ANKS1B: variants seen among roughly 807,000 people sequenced by gnomAD.
ANKS1B encodes the protein ankyrin repeat and sterile alpha motif domain-containing protein 1B.
ANKS1B carries 36 observed loss-of-function variants against 148.3 expected under a neutral mutation model. The observed-to-expected ratio is 0.24, with a 90% CI of 0.19 to 0.32. The LOEUF is 0.32. ANKS1B is among the 10% of genes least tolerant of loss of function. The pLI is 1.00. For synonymous variants in ANKS1B, 542 were observed against 560.8 expected (o/e 0.97, Z 0.47); for missense variants, 1,157 against 1,542.6 (o/e 0.75, Z 4.19).
intron 10 of ANKS1B, among the ~76,000 whole-genome samples, chr12:99,495,470 T>C (rs1678278507): frequency 6.6e-6 from 1 of 152,092 alleles, no homozygotes; most frequent in African/African-American, 2.4e-5. Flanking sequence ...AAACTGTCCA[T>C]ATGGATGAAG....
At chr12:98,782,564 T>C (rs2098748060) in intron 22 of ANKS1B, among the ~76,000 whole-genome samples, 1 of 152,194 alleles carries the variant, frequency 6.6e-6, no homozygotes, top group Admixed American at 6.5e-5. Flanking sequence ...TTTAATTGGA[T>C]AGTGTGAGTG....
At chr12:99,442,769 T>C (rs769629440) in intron 11 of ANKS1B, among the ~76,000 whole-genome samples, 1 of 152,002 alleles carries the variant, frequency 6.6e-6, no homozygotes, top group Non-Finnish European at 1.5e-5. Context: ...CAAATCTTGC[T>C]TATTTAGACC....
intron 12 of ANKS1B, among the ~76,000 whole-genome samples, chr12:99,334,723 C>T (rs1334288584): frequency 6.6e-6 from 1 of 152,010 alleles, no homozygotes; most frequent in Non-Finnish European, 1.5e-5. Flanking sequence ...ATTCTCCTCC[C>T]TTTACAAGAG....
At chr12:99,142,931 T>C (rs115518629) in intron 15 of ANKS1B, among the ~76,000 whole-genome samples, 146 of 152,266 alleles carry the variant, frequency 9.6e-4, no homozygotes, top group African/African-American at 3.2e-3. Context: ...ATGGGCCATA[T>C]TGTTATACAG....
chr12:99,650,941 T>C (rs2098415502), intron 9 of ANKS1B, among the ~76,000 whole-genome samples: 1 of 152,124 alleles, frequency 6.6e-6, no homozygotes, highest in African/African-American at 2.4e-5. Context: ...CCCAATTATG[T>C]CTGTATTGTT....
intron 1 of ANKS1B, among the ~76,000 whole-genome samples, chr12:99,961,589 A>G (rs534337028): frequency 6.6e-6 from 1 of 152,170 alleles, no homozygotes; most frequent in Non-Finnish European, 1.5e-5. Context: ...AGACTTCTAT[A>G]GTCATAAATT....
intron 7 of ANKS1B, among the ~76,000 whole-genome samples, chr12:99,774,225 A>G (rs1334315220): frequency 1.3e-5 from 2 of 152,104 alleles, no homozygotes; most frequent in South Asian, 2.1e-4. Context: ...ATATTTGCAA[A>G]CCATAGATCT....
At chr12:99,702,353 T>C (rs2054972946) in intron 8 of ANKS1B, among the ~76,000 whole-genome samples, 1 of 152,190 alleles carries the variant, frequency 6.6e-6, no homozygotes, top group Non-Finnish European at 1.5e-5. Flanking sequence ...GAGAAATGTC[T>C]ATTCAGATCT....
At position 98,859,537 on chromosome 12, in the gene ANKS1B, C is replaced by A. The variant is rs573782265; in HGVS notation, c.2779-27401G>T. On this transcript the variant is annotated intron_variant, in intron 17 of 26. Transcript: ENST00000683438. Reference sequence around the variant, plus strand: ...TGATTAATAATGATCAGAAGTAAATCTATGAATAACAACAAACAGAAAGGA... The same window carrying A: ...TGATTAATAATGATCAGAAGTAAATATATGAATAACAACAAACAGAAAGGA... 5.4e-4 allele frequency among the ~76,000 whole-genome samples: 82 copies of A among 152,198 alleles called. 1 individual carries two copies. Among genetic ancestry groups the A allele is most frequent in the Admixed American group, 3.9e-4 (6 of 15,286 alleles).
chr12:98,978,690 C>A (rs554248575), intron 17 of ANKS1B, among the ~76,000 whole-genome samples: 1 of 151,912 alleles, frequency 6.6e-6, no homozygotes, highest in Non-Finnish European at 1.5e-5. Context: ...TAATGTATAA[C>A]GTGATCCTTA....
intron 15 of ANKS1B, among the ~76,000 whole-genome samples, chr12:99,102,938 C>T (rs891090647): frequency 1.2e-4 from 18 of 151,664 alleles, no homozygotes; most frequent in Admixed American, 7.2e-4. Context: ...GAAAACATAA[C>T]GCTCAGAGCA....
At chr12:99,724,111 G>A (rs1396498593) in intron 8 of ANKS1B, among the ~76,000 whole-genome samples, 1 of 152,022 alleles carries the variant, frequency 6.6e-6, no homozygotes, top group Non-Finnish European at 1.5e-5. Context: ...CCAAATGATT[G>A]CAATGCCGCT....
rs148782639 is a variant in ANKS1B, at chr12:99,036,217, T to C, written c.2778+16940A>G. 8.4e-3 allele frequency among the ~76,000 whole-genome samples: 1,282 copies of C among 152,282 alleles called. 15 individuals carry two copies. Among genetic ancestry groups the C allele is most frequent in the African/African-American group, 0.029 (1,211 of 41,542 alleles). ...GACTGAAAAAGTTAGATTCCTGAAG[T>C]GACTTCATTTATATTGCCATATCCT... On this transcript the variant is annotated intron_variant, in intron 17 of 26. Coordinates refer to ENST00000683438, the MANE Select transcript of ANKS1B (RefSeq NM_001352186.2).
At chr12:99,007,315 T>A (rs2099936681) in intron 17 of ANKS1B, among the ~76,000 whole-genome samples, 1 of 152,226 alleles carries the variant, frequency 6.6e-6, no homozygotes, top group Non-Finnish European at 1.5e-5. Flanking sequence ...AGAAGTGATG[T>A]CTCTATGGAA....
intron 9 of ANKS1B, among the ~76,000 whole-genome samples, chr12:99,579,210 A>G (rs2097547224): frequency 6.6e-6 from 1 of 152,198 alleles, no homozygotes. Flanking sequence ...GAGTTGGATT[A>G]AACACTTAAA....
At chr12:99,863,706 C>T (rs1389053106) in intron 1 of ANKS1B, among the ~76,000 whole-genome samples, 5 of 149,732 alleles carry the variant, frequency 3.3e-5, no homozygotes, top group Admixed American at 2.0e-4. Flanking sequence ...CAGAGCAAGA[C>T]ACCGTCTCAA....
At position 98,801,863 on chromosome 12, in the gene ANKS1B, C is replaced by A. The variant is rs146594386; in HGVS notation, c.3142-738G>T. 1.3e-5 allele frequency among the ~76,000 whole-genome samples: 2 copies of A among 152,166 alleles called. No homozygotes were observed. The highest frequency in any genetic ancestry group is 1.9e-4 in the East Asian group (1 of 5,202). On this transcript the variant is annotated intron_variant, in intron 20 of 26. Transcript: ENST00000683438. The surrounding 1 kb of genome is among the most constrained non-coding windows in gnomAD (Gnocchi z 5.2). Reference sequence around the variant, plus strand: ...ATGATGGTATATCATATGATACAGACCTAAAACAGGAGGACCTCCCATCAT... The same window carrying A: ...ATGATGGTATATCATATGATACAGAACTAAAACAGGAGGACCTCCCATCAT...
chr12:99,023,881 T>C (rs551920694), intron 17 of ANKS1B, among the ~76,000 whole-genome samples: 1 of 149,526 alleles, frequency 6.7e-6, no homozygotes, highest in Non-Finnish European at 1.5e-5. Flanking sequence ...ACATGTGTAT[T>C]TATATGCATA....
rs557711062 is a variant in ANKS1B at position 99,971,864 on chromosome 12, G to A, written c.134+12240C>T. ...CTCTGTCACCTGTGATATAATAAAT[G>A]TGTACAGAAATACTTTTAGTGCACA... On this transcript the variant is annotated intron_variant, in intron 1 of 26. Coordinates refer to ENST00000683438, the MANE Select transcript of ANKS1B (RefSeq NM_001352186.2). 1.1e-4 allele frequency among the ~76,000 whole-genome samples: 16 copies of A among 152,282 alleles called. No individual in the cohort carries two copies. The South Asian group carries it at 3.3e-3, about 32-fold the overall frequency.
Sources: gnomAD v4.1 joint callset for allele counts (sites outside exome capture counted in the v4.1 genomes callset) on GRCh38, gnomAD v4.1.1 for gene constraint, Gnocchi (gnomAD v3.1) non-coding constraint, MANE v1.5 for transcripts, NCBI Gene and HGNC (gene_info 2026-07-23, HGNC 2026-07-21) for gene names.